RSRC1: variants seen among roughly 807,000 people sequenced by gnomAD.
The protein encoded by RSRC1 is serine/Arginine-related protein 53.
In RSRC1, 39 loss-of-function variants were observed where a neutral mutation model predicts 49.1. The ratio of observed to expected loss-of-function variants is 0.79; its 90% CI spans 0.61 to 1.04. The LOEUF is 1.04. RSRC1 is among the 50% of genes least tolerant of loss of function. The probability of loss-of-function intolerance (pLI) is 0.00; values close to 1 mark genes in which losing one functional copy is unlikely to be tolerated. For synonymous variants in RSRC1, 143 were observed against 130.8 expected (o/e 1.09, Z -0.63); for missense variants, 388 against 402.4 (o/e 0.96, Z 0.31).
At chr3:158,365,557 TTTGGG>T (rs1330401949) in intron 6 of RSRC1, among the ~76,000 whole-genome samples, 2 of 152,202 alleles carry the variant, frequency 1.3e-5, no homozygotes, top group African/African-American at 4.8e-5. Flanking sequence ...TTGATGGACA[TTTGGG>T]TTGGTTCCAA....
At chr3:158,223,644 G>T (rs1404679681) in intron 4 of RSRC1, among the ~76,000 whole-genome samples, 1 of 146,036 alleles carries the variant, frequency 6.8e-6, no homozygotes, top group Non-Finnish European at 1.5e-5. Context: ...TCCACACAAT[G>T]TGCAGAAGGA....
chr3:158,121,911 G>A (rs1715284848), intron 1 of RSRC1, among the ~76,000 whole-genome samples, 192 bp from the exon 2 acceptor site: 1 of 152,072 alleles, frequency 6.6e-6, no homozygotes, highest in South Asian at 2.1e-4. Context: ...AAGGCTTGGG[G>A]GAAGGATCGC....
chr3:158,142,457 A>G (rs1251537394), intron 3 of RSRC1, among the ~76,000 whole-genome samples: 4 of 152,142 alleles, frequency 2.6e-5, no homozygotes. Flanking sequence ...GCATCACTTA[A>G]AAAGGAATAC....
chr3:158,425,403 G>A (rs368717116), intron 6 of RSRC1, among the ~76,000 whole-genome samples: 183 of 151,936 alleles, frequency 1.2e-3, no homozygotes, highest in African/African-American at 4.2e-3. Context: ...AGTGAGTTTC[G>A]TAATCCTGAG....
intron 3 of RSRC1, among the ~76,000 whole-genome samples, chr3:158,144,714 A>T (rs1240939140): frequency 6.6e-6 from 1 of 152,120 alleles, no homozygotes; most frequent in African/African-American, 2.4e-5. Flanking sequence ...CGCCACACTG[A>T]CTTCCACAAT....
intron 4 of RSRC1, among the ~76,000 whole-genome samples, chr3:158,213,428 T>C (rs957867600): frequency 2.6e-5 from 4 of 151,942 alleles, no homozygotes; most frequent in Non-Finnish European, 4.4e-5. Flanking sequence ...GATAAAGATA[T>C]GATCCTTGGG....
At position 158,379,814 on chromosome 3, in the gene RSRC1, G is replaced by GCACA. The variant is rs140953408; in HGVS notation, c.583+24926_583+24929dup. On this transcript the variant is annotated intron_variant, in intron 6 of 9. Coordinates refer to ENST00000611884, the MANE Select transcript of RSRC1 (RefSeq NM_001271838.2). Reference sequence around the variant, plus strand: ...CACATACATACAAACACACGCGCATGCACACACACACACACACACACACCC... The same window carrying GCACA: ...CACATACATACAAACACACGCGCATGCACACACACACACACACACACACACACCC... Among the ~76,000 whole-genome samples, 550 of 147,004 alleles carry GCACA rather than the reference G, an allele frequency of 3.7e-3. 3 individuals carry two copies. The highest frequency in any genetic ancestry group is 0.013 in the African/African-American group (502 of 39,910).
At chr3:158,222,535 A>T (rs1257678804) in intron 4 of RSRC1, among the ~76,000 whole-genome samples, 2 of 151,552 alleles carry the variant, frequency 1.3e-5, no homozygotes, top group East Asian at 3.9e-4. Context: ...TGTCAATTAA[A>T]CAAGTTAACA....
At chr3:158,296,997 T>C (rs1727273692) in intron 4 of RSRC1, among the ~76,000 whole-genome samples, 1 of 151,760 alleles carries the variant, frequency 6.6e-6, no homozygotes, top group African/African-American at 2.4e-5. Context: ...AAAGAAAAAA[T>C]AGAAGACAGA....
intron 6 of RSRC1, among the ~76,000 whole-genome samples, chr3:158,356,535 T>G (rs1731169612): frequency 6.8e-6 from 1 of 148,070 alleles, no homozygotes; most frequent in South Asian, 2.1e-4. Flanking sequence ...AATTCATAGT[T>G]TATGTTTTTA....
At chr3:158,124,540 A>G (rs970136601) in intron 3 of RSRC1, among the ~76,000 whole-genome samples, 14 of 152,226 alleles carry the variant, frequency 9.2e-5, no homozygotes, top group Admixed American at 2.0e-4. Context: ...CAGTGAAGCT[A>G]TCTGCTCCTG....
intron 5 of RSRC1, among the ~76,000 whole-genome samples, chr3:158,299,830 A>C (rs1286573198): frequency 3.9e-5 from 6 of 152,174 alleles, no homozygotes; most frequent in African/African-American, 1.4e-4. Context: ...TTTATCCAGC[A>C]GTGGTTTTCT....
At chr3:158,343,821 A>G (rs372587890) in intron 5 of RSRC1, among the ~76,000 whole-genome samples, 3 of 152,292 alleles carry the variant, frequency 2.0e-5, no homozygotes, top group African/African-American at 7.2e-5. Flanking sequence ...TTGTGGTACA[A>G]CTTTAGGTAG....
At position 158,203,115 on chromosome 3, in the gene RSRC1, G is replaced by GA. The variant is rs1305278525; in HGVS notation, c.367dup (p.Arg123LysfsTer9). 2 of 1,613,658 alleles carry GA rather than the reference G, an allele frequency of 1.2e-6. No homozygotes were observed. Among genetic ancestry groups the GA allele is most frequent in the African/African-American group, 2.7e-5 (2 of 74,918 alleles). On this transcript the variant is annotated frameshift_variant, in exon 4 of 10. Coordinates refer to ENST00000611884, the MANE Select transcript of RSRC1 (RefSeq NM_001271838.2). LOFTEE classifies it high-confidence loss of function. ...TCTCCGTTCTCATAGTCGTAGCAGT[G>GA]AAAGGTCCAGTCACAGAAGAACGCG...
chr3:158,276,411 T>C lies in RSRC1; in HGVS notation c.495-21628T>C, dbSNP rs879168848. The C allele has an allele frequency of 3.8e-5, 29 of 757,696 alleles. 2 individuals carry two copies. Among genetic ancestry groups the C allele is most frequent in the South Asian group, 2.2e-4 (16 of 71,398 alleles). 46.9% of individuals were successfully genotyped at this position (757,696 alleles called of 1,614,324 possible). ...TCTCCATAGCTCCTGGATGTGCTTGTATGCACCCATCTTGGCTTACTTGAT... is the reference window on the plus strand; with the variant it reads ...TCTCCATAGCTCCTGGATGTGCTTGCATGCACCCATCTTGGCTTACTTGAT... On this transcript the variant is annotated intron_variant, in intron 4 of 9. Coordinates refer to ENST00000611884, the MANE Select transcript of RSRC1 (RefSeq NM_001271838.2).
chr3:158,400,295 A>G (rs965041813), intron 6 of RSRC1, among the ~76,000 whole-genome samples: 52 of 152,142 alleles, frequency 3.4e-4, no homozygotes, highest in Admixed American at 2.7e-3. Flanking sequence ...TGCCAGTTGT[A>G]TATAAATATA....
intron 2 of RSRC1, among the ~76,000 whole-genome samples, 188 bp from the exon 3 acceptor site, chr3:158,123,678 C>T (rs547943340): frequency 6.6e-6 from 1 of 152,264 alleles, no homozygotes; most frequent in African/African-American, 2.4e-5. Flanking sequence ...AGTACTGATC[C>T]AATCACTAAG....
intron 4 of RSRC1, among the ~76,000 whole-genome samples, chr3:158,266,840 T>G (rs953552392): frequency 2.0e-5 from 3 of 152,196 alleles, no homozygotes; most frequent in Non-Finnish European, 2.9e-5. Context: ...TCATATGATC[T>G]GCAGCCTCCG....
chr3:158,397,621 G>T (rs1733683250), intron 6 of RSRC1, among the ~76,000 whole-genome samples: 1 of 152,060 alleles, frequency 6.6e-6, no homozygotes, highest in African/African-American at 2.4e-5. Context: ...TTATAGTGGA[G>T]AATTGGAGAC....
Sources: gnomAD v4.1 joint callset for allele counts (sites outside exome capture counted in the v4.1 genomes callset) on GRCh38, gnomAD v4.1.1 for gene constraint, MANE v1.5 for transcripts, NCBI Gene and HGNC (gene_info 2026-07-23, HGNC 2026-07-21) for gene names.